Variants in CACNA2D3 observed in about 807,000 individuals in gnomAD.
The protein encoded by CACNA2D3 is calcium voltage-gated channel auxiliary subunit alpha2delta 3, also known as voltage-dependent calcium channel subunit alpha-2/delta-3.
A neutral mutation model predicts 160.6 loss-of-function variants in CACNA2D3; 60 were observed. The observed-to-expected ratio is 0.37, with a 90% confidence interval of 0.30 to 0.46. The LOEUF (loss-of-function observed/expected upper bound fraction) is 0.46, where lower values mean the gene tolerates loss of function less well. Ranked by LOEUF, CACNA2D3 falls within the 20% of genes least tolerant of loss-of-function variation. CACNA2D3 has a pLI of 1.00. For missense variants in CACNA2D3, 1,205 were observed against 1,365.0 expected, an observed-to-expected ratio of 0.88 and a Z score of 1.85; for synonymous variants, 558 against 492.9, an observed-to-expected ratio of 1.13 and a Z score of -1.75.
chr3:54,188,383 C>T (rs1432609165), intron 2 of CACNA2D3, among the ~76,000 whole-genome samples: 1 of 152,240 alleles, frequency 6.6e-6, no homozygotes, highest in Non-Finnish European at 1.5e-5. Flanking sequence ...TGTCCAGCTT[C>T]AGGACCTGTA....
intron 2 of CACNA2D3, among the ~76,000 whole-genome samples, chr3:54,161,725 A>G (rs1259718474): frequency 1.3e-5 from 2 of 152,228 alleles, no homozygotes; most frequent in Non-Finnish European, 2.9e-5. Context: ...TATGAAAAGC[A>G]TCATTCTTAG....
chr3:54,896,972 A>G (rs2106880593), intron 26 of CACNA2D3, 102 bp downstream of exon 26: 2 of 1,474,202 alleles, frequency 1.4e-6, no homozygotes, highest in East Asian at 2.3e-5. Flanking sequence ...AAAGGAACCA[A>G]GTTCAACCCT....
Position 54,207,035 on chromosome 3 carries a change from G to A in CACNA2D3, c.204+83441G>A, listed in dbSNP as rs562968590. On this transcript the variant is annotated intron_variant, in intron 2 of 37. Transcript: ENST00000474759. ...GCCATGAACAGTGACTAGACACAGG[G>A]TAGGTGATAATGTGGTAGGAGTCAG... Among the ~76,000 whole-genome samples the A allele has an allele frequency of 2.0e-5, 3 of 152,282 alleles. No individual in the cohort carries two copies. In the East Asian group the frequency reaches 5.8e-4, roughly 29 times the overall value.
chr3:54,159,660 A>T (rs142541134), intron 2 of CACNA2D3, among the ~76,000 whole-genome samples: 1 of 152,290 alleles, frequency 6.6e-6, no homozygotes, highest in African/African-American at 2.4e-5. Flanking sequence ...GTAAATGTTG[A>T]TTCTATGTCT....
intron 18 of CACNA2D3, among the ~76,000 whole-genome samples, chr3:54,872,899 C>T (rs535437442): frequency 1.8e-3 from 275 of 152,220 alleles, no homozygotes; most frequent in African/African-American, 6.4e-3. Flanking sequence ...TCCTTAAACA[C>T]TGTCACAAGG....
Position 54,522,933 on chromosome 3 carries a change from TTTACTTAC to T in CACNA2D3, c.544+19313_544+19320del, listed in dbSNP as rs61291743. Among the ~76,000 whole-genome samples the T allele has an allele frequency of 2.7e-3, 363 of 135,420 alleles. 1 individual carries two copies. Among genetic ancestry groups the T allele is most frequent in the East Asian group, 0.015 (70 of 4,546 alleles). The allele number at this position is 135,420 out of a possible 152,430, so 88.8% of individuals were successfully genotyped here. ...ATTTATTTATTTATTTATTTATTTA[TTTACTTAC>T]TTACTTACTTACTTACTTACTTACT... On this transcript the variant is annotated intron_variant, in intron 5 of 37. Transcript: ENST00000474759.
intron 2 of CACNA2D3, among the ~76,000 whole-genome samples, chr3:54,303,182 G>A (rs544229884): frequency 1.3e-5 from 2 of 152,270 alleles, no homozygotes; most frequent in African/African-American, 2.4e-5. Context: ...TAGATTCTAA[G>A]CTCTGGGTGG....
chr3:54,897,348 C>T (rs1700215037), intron 26 of CACNA2D3, among the ~76,000 whole-genome samples: 1 of 152,178 alleles, frequency 6.6e-6, no homozygotes, highest in African/African-American at 2.4e-5. Flanking sequence ...TTACCAATGA[C>T]AGGCATGTAG....
At chr3:54,763,901 G>T (rs926960730) in intron 12 of CACNA2D3, among the ~76,000 whole-genome samples, 2 of 100,128 alleles carry the variant, frequency 2.0e-5, no homozygotes, top group Non-Finnish European at 4.1e-5. Context: ...GTATGTGGGG[G>T]GGGGGGGTGC....
chr3:54,169,896 AG>A (rs1159386034), intron 2 of CACNA2D3, among the ~76,000 whole-genome samples: 1 of 152,112 alleles, frequency 6.6e-6, no homozygotes, highest in Admixed American at 6.6e-5. Flanking sequence ...GTCAAGAGTG[AG>A]GGAGAAATGG....
chr3:54,525,430 T>C (rs1395870172), intron 5 of CACNA2D3, among the ~76,000 whole-genome samples: 1 of 152,192 alleles, frequency 6.6e-6, no homozygotes, highest in Non-Finnish European at 1.5e-5. Flanking sequence ...ATTTTTGTCT[T>C]GTGACTTTGA....
At chr3:54,721,823 T>G (rs2106989418) in intron 11 of CACNA2D3, among the ~76,000 whole-genome samples, 1 of 152,126 alleles carries the variant, frequency 6.6e-6, no homozygotes, top group Non-Finnish European at 1.5e-5. Flanking sequence ...ATTCGACCTT[T>G]CTCTCTGGCT....
At chr3:54,810,087 G>A (rs1703259843) in intron 13 of CACNA2D3, among the ~76,000 whole-genome samples, 2 of 152,212 alleles carry the variant, frequency 1.3e-5, no homozygotes, top group South Asian at 4.1e-4. Context: ...AATCAGTGAG[G>A]CAGGGAAGTG....
chr3:54,630,890 A>G (rs1055413716), intron 10 of CACNA2D3, among the ~76,000 whole-genome samples: 1 of 152,168 alleles, frequency 6.6e-6, no homozygotes, highest in Non-Finnish European at 1.5e-5. Context: ...AAAAAGCCGA[A>G]TAAATGTTTT....
chr3:54,274,876 G>A (rs898230835), intron 2 of CACNA2D3, among the ~76,000 whole-genome samples: 2 of 152,262 alleles, frequency 1.3e-5, no homozygotes, highest in African/African-American at 4.8e-5. Context: ...GACCAGGGGA[G>A]ACAGCAAGAG....
intron 4 of CACNA2D3, among the ~76,000 whole-genome samples, chr3:54,493,510 C>T (rs925027844): frequency 1.3e-5 from 2 of 151,708 alleles, no homozygotes; most frequent in African/African-American, 4.8e-5. Context: ...TGTCTCTGAA[C>T]TCCCCATTAC....
chr3:54,894,573 A>C (rs532117752), intron 25 of CACNA2D3: 1 of 512,538 alleles, frequency 2.0e-6, no homozygotes, highest in Middle Eastern at 3.2e-4. Flanking sequence ...TGTGCTGCAT[A>C]GACAGGGCAC....
At chr3:55,033,828 TAATATATAATATATATTACATA>T (rs1187821639) in intron 35 of CACNA2D3, among the ~76,000 whole-genome samples, 11 of 56,994 alleles carry the variant, frequency 1.9e-4, no homozygotes, top group African/African-American at 8.3e-4. Context: ...TAAATATATT[TAATATATAATATATATTACATA>T]TTAAATATAT....
At chr3:54,254,225 G>A (rs892459961) in intron 2 of CACNA2D3, among the ~76,000 whole-genome samples, 11 of 152,148 alleles carry the variant, frequency 7.2e-5, no homozygotes, top group African/African-American at 2.7e-4. Context: ...GCAGCTTTGG[G>A]TTTGCCAGTG....
Sources: allele counts gnomAD v4.1 joint callset (sites outside exome capture counted in the v4.1 genomes callset), GRCh38; gene constraint gnomAD v4.1.1; transcripts MANE v1.5; gene names NCBI Gene and HGNC (gene_info 2026-07-23, HGNC 2026-07-21).